LRFN2: variants seen among roughly 807,000 people sequenced by gnomAD.
LRFN2 encodes leucine-rich repeat and fibronectin type-III domain-containing protein 2.
A neutral mutation model predicts 37.3 loss-of-function variants in LRFN2; 18 were observed. The observed-to-expected ratio is 0.48, with a 90% CI of 0.33 to 0.72. LRFN2 has a LOEUF of 0.72. LRFN2 is among the 30% of genes least tolerant of loss of function. The pLI, the probability that LRFN2 is intolerant of heterozygous loss-of-function variation, is 0.02. For missense variants in LRFN2, 1,006 were observed against 1,060.7 expected, an observed-to-expected ratio of 0.95 and a Z score of 0.72; for synonymous variants, 556 against 466.6, an observed-to-expected ratio of 1.19 and a Z score of -2.47.
chr6:40,503,905 G>A (rs1765455970), intron 1 of LRFN2, among the ~76,000 whole-genome samples: 1 of 151,958 alleles, frequency 6.6e-6, no homozygotes. Flanking sequence ...CCCTGTGCTG[G>A]AAAGATGGGG....
At chr6:40,483,846 C>T (rs1426139908) in intron 1 of LRFN2, among the ~76,000 whole-genome samples, 3 of 152,192 alleles carry the variant, frequency 2.0e-5, no homozygotes, top group Non-Finnish European at 4.4e-5. Context: ...TGAGGAGCAT[C>T]TGAATCCCTG....
chr6:40,415,346 C>A (rs936470529), intron 2 of LRFN2, among the ~76,000 whole-genome samples: 1 of 152,112 alleles, frequency 6.6e-6, no homozygotes, highest in Non-Finnish European at 1.5e-5. Flanking sequence ...CTGCCTCAGC[C>A]CCCCAAGTAC....
At chr6:40,516,024 G>T (rs964470498) in intron 1 of LRFN2, among the ~76,000 whole-genome samples, 1 of 152,058 alleles carries the variant, frequency 6.6e-6, no homozygotes, top group Non-Finnish European at 1.5e-5. Flanking sequence ...TTAGGCTCCA[G>T]TTGCCACCAG....
chr6:40,446,259 C>T (rs1403846274), intron 1 of LRFN2, among the ~76,000 whole-genome samples: 1 of 151,916 alleles, frequency 6.6e-6, no homozygotes, highest in Non-Finnish European at 1.5e-5. Flanking sequence ...GGCCTCCTTG[C>T]CCAGGAGAAA....
chr6:40,535,737 G>A (rs913624270), intron 1 of LRFN2, among the ~76,000 whole-genome samples: 2 of 152,118 alleles, frequency 1.3e-5, no homozygotes, highest in Non-Finnish European at 2.9e-5. Context: ...AGGAAGGGGT[G>A]CAGGCCCCAC....
chr6:40,538,440 AT>A (rs1766492394), intron 1 of LRFN2, among the ~76,000 whole-genome samples: 1 of 152,228 alleles, frequency 6.6e-6, no homozygotes, highest in Non-Finnish European at 1.5e-5. Flanking sequence ...AACATGAATT[AT>A]CAGAAACACA....
At chr6:40,433,446 C>A (rs1012936790) in intron 1 of LRFN2, among the ~76,000 whole-genome samples, 2 of 152,148 alleles carry the variant, frequency 1.3e-5, no homozygotes, top group Non-Finnish European at 2.9e-5. Context: ...TTGCTGTATC[C>A]CAATTACCTA....
chr6:40,461,300 A>G (rs1017488096), intron 1 of LRFN2, among the ~76,000 whole-genome samples: 8 of 152,000 alleles, frequency 5.3e-5, no homozygotes, highest in African/African-American at 1.9e-4. Flanking sequence ...CCCAGCTACT[A>G]TGGAGGCTGA....
chr6:40,559,709 C>G (rs1331219523), intron 1 of LRFN2, among the ~76,000 whole-genome samples: 1 of 152,166 alleles, frequency 6.6e-6, no homozygotes, highest in Admixed American at 6.5e-5. Context: ...CCTGCCCCTT[C>G]CCTGGGCATG....
intron 2 of LRFN2, among the ~76,000 whole-genome samples, chr6:40,420,113 C>CGGAGCCCACCTTT (rs1293078412): frequency 6.6e-6 from 1 of 152,222 alleles, no homozygotes; most frequent in Non-Finnish European, 1.5e-5. Flanking sequence ...CAGAGCACAG[C>CGGAGCCCACCTTT]GGAGCCCACC....
chr6:40,546,418 T>G (rs1044973869), intron 1 of LRFN2, among the ~76,000 whole-genome samples: 1 of 152,170 alleles, frequency 6.6e-6, no homozygotes, highest in African/African-American at 2.4e-5. Flanking sequence ...GGTCTCCCCA[T>G]AGCTTCTTAA....
intron 2 of LRFN2, among the ~76,000 whole-genome samples, chr6:40,410,629 T>C (rs1337936909): frequency 6.6e-6 from 1 of 152,260 alleles, no homozygotes; most frequent in Non-Finnish European, 1.5e-5. Context: ...TTTATATATA[T>C]AGTGAATGCT....
chr6:40,426,703 T>G (rs1312538998), intron 2 of LRFN2, among the ~76,000 whole-genome samples: 1 of 152,152 alleles, frequency 6.6e-6, no homozygotes, highest in Non-Finnish European at 1.5e-5. Flanking sequence ...TCGAATAAGT[T>G]AAAGGAGCCA....
At chr6:40,516,079 C>T (rs742519) in intron 1 of LRFN2, among the ~76,000 whole-genome samples, 83,163 of 151,618 alleles carry the variant, frequency 0.55, 23,202 homozygotes, top group South Asian at 0.66. Flanking sequence ...TGCCTTCCTG[C>T]TTGTCTCACC....
chr6:40,546,490 C>T (rs900960649), intron 1 of LRFN2, among the ~76,000 whole-genome samples: 1 of 152,164 alleles, frequency 6.6e-6, no homozygotes, highest in African/African-American at 2.4e-5. Context: ...CCTAAACTAC[C>T]TCCTGGCCAA....
At chr6:40,414,740 C>T (rs79259750) in intron 2 of LRFN2, among the ~76,000 whole-genome samples, 3 of 152,126 alleles carry the variant, frequency 2.0e-5, no homozygotes, top group Admixed American at 6.5e-5. Context: ...GAAGCTTGGC[C>T]CCCCCAGGCG....
At chr6:40,494,407 A>G (rs1001663004) in intron 1 of LRFN2, among the ~76,000 whole-genome samples, 1 of 152,136 alleles carries the variant, frequency 6.6e-6, no homozygotes, top group African/African-American at 2.4e-5. Flanking sequence ...TCTTCTATTT[A>G]AGCTGCCTCA....
chr6:40,490,886 A>T (rs2078460), intron 1 of LRFN2, among the ~76,000 whole-genome samples: 2 of 151,930 alleles, frequency 1.3e-5, no homozygotes, highest in Non-Finnish European at 2.9e-5. Context: ...GATCTGGCTG[A>T]CTTCTCTTCA....
intron 2 of LRFN2, among the ~76,000 whole-genome samples, chr6:40,428,168 G>A (rs1351840818): frequency 1.3e-5 from 2 of 152,236 alleles, no homozygotes; most frequent in South Asian, 2.1e-4. Context: ...CAATGCAGGT[G>A]TGTACTATTA....
Sources: allele counts gnomAD v4.1 joint callset (sites outside exome capture counted in the v4.1 genomes callset), GRCh38; gene constraint gnomAD v4.1.1; transcripts MANE v1.5; gene names NCBI Gene and HGNC (gene_info 2026-07-23, HGNC 2026-07-21).